The following FRMPD1 variants were observed in gnomAD, a reference collection of about 807,000 sequenced individuals.
FRMPD1 encodes FERM and PDZ domain-containing protein 1.
A neutral mutation model predicts 117.8 loss-of-function variants in FRMPD1; 76 were observed. That is an observed-to-expected ratio of 0.65 (90% CI 0.54 to 0.78). FRMPD1 has a LOEUF of 0.78. FRMPD1 is among the 30% of genes least tolerant of loss of function. The pLI is 0.00. For synonymous variants in FRMPD1, 783 were observed against 770.4 expected, an observed-to-expected ratio of 1.02 and a Z score of -0.27; for missense variants, 1,786 against 1,964.5, an observed-to-expected ratio of 0.91 and a Z score of 1.72.
the FRMPD1 span, among the ~76,000 whole-genome samples, chr9:37,637,586 T>C: frequency 2.0e-3 from 310 of 152,318 alleles, no homozygotes; most frequent in Non-Finnish European, 3.5e-3. Flanking sequence ...TCTGTCCCTA[T>C]TGTTTTGCCT....
intron 5 of FRMPD1, among the ~76,000 whole-genome samples, chr9:37,717,303 AT>A (rs113453697): frequency 0.13 from 18,634 of 146,688 alleles, 1,479 homozygotes; most frequent in Middle Eastern, 0.17. Context: ...GAAAAAAAAA[AT>A]ATATATATAT....
intron 1 of FRMPD1, among the ~76,000 whole-genome samples, chr9:37,679,717 G>A (rs1821655207): frequency 6.6e-6 from 1 of 152,200 alleles, no homozygotes. Context: ...AAACAGACAC[G>A]GAGGGAAGGG....
rs373118438 is a variant in FRMPD1 at position 37,662,384 on chromosome 9, T to G, written c.-5+11290T>G. On this transcript the variant is annotated intron_variant, in intron 1 of 15. Coordinates refer to ENST00000377765, the MANE Select transcript of FRMPD1 (RefSeq NM_014907.3). ...AACTTTGGGGGGTACATTCAAACCA[T>G]GGCCATTCATTATTTGGAAAGTGAT... Among the ~76,000 whole-genome samples, 70 of 152,302 alleles carry G rather than the reference T, an allele frequency of 4.6e-4. 1 individual carries two copies. In the South Asian group the frequency reaches 0.014, roughly 31 times the overall value.
At chr9:37,704,663 T>C (rs957471021) in intron 2 of FRMPD1, among the ~76,000 whole-genome samples, 3 of 151,974 alleles carry the variant, frequency 2.0e-5, no homozygotes, top group Non-Finnish European at 2.9e-5. Flanking sequence ...GAGATATATA[T>C]ATATATATAA....
Position 37,730,405 on chromosome 9 carries a change from G to A in FRMPD1, c.738+552G>A, listed in dbSNP as rs1359430258. ...ATCTTTGTGAGTCTGTTACAAAGAT[G>A]AGGAGGATTTTAACAGTTGGAAATG... On this transcript the variant is annotated intron_variant, in intron 8 of 15. Coordinates refer to ENST00000377765, the MANE Select transcript of FRMPD1 (RefSeq NM_014907.3). 3.9e-5 allele frequency among the ~76,000 whole-genome samples: 6 copies of A among 152,316 alleles called. No homozygotes were observed. The East Asian group carries it at 1.2e-3, about 29-fold the overall frequency.
At chr9:37,703,258 G>C (rs911103605) in intron 2 of FRMPD1, among the ~76,000 whole-genome samples, 6 of 152,158 alleles carry the variant, frequency 3.9e-5, no homozygotes, top group African/African-American at 1.2e-4. Context: ...CTCAGGACTA[G>C]TACCTGTTGG....
At chr9:37,732,497 G>C in intron 10 of FRMPD1, 57 bp downstream of exon 10, 1 of 1,525,024 alleles carries the variant, frequency 6.6e-7, no homozygotes, top group Non-Finnish European at 8.8e-7. Flanking sequence ...CCCCTGGCCA[G>C]GAGGGCCAGA....
chr9:37,605,740 G>C, the FRMPD1 span, among the ~76,000 whole-genome samples: 1 of 150,614 alleles, frequency 6.6e-6, no homozygotes, highest in Non-Finnish European at 1.5e-5. Flanking sequence ...ACTGAGACAA[G>C]GTCTCACTCT....
intron 5 of FRMPD1, among the ~76,000 whole-genome samples, chr9:37,716,142 G>A (rs529190337): frequency 1.3e-5 from 2 of 152,264 alleles, no homozygotes; most frequent in African/African-American, 4.8e-5. Context: ...CACCAAGAAC[G>A]CTAGTAAAGC....
the FRMPD1 span, among the ~76,000 whole-genome samples, chr9:37,610,656 G>A: frequency 2.0e-5 from 3 of 149,666 alleles, no homozygotes; most frequent in East Asian, 2.0e-4. Flanking sequence ...GTGCAATGGC[G>A]CGATCTCGGC....
the FRMPD1 span, among the ~76,000 whole-genome samples, chr9:37,608,056 G>T: frequency 6.6e-6 from 1 of 152,226 alleles, no homozygotes; most frequent in Admixed American, 6.5e-5. Flanking sequence ...TATTGAAGGC[G>T]AGACGGGGTA....
the FRMPD1 span, among the ~76,000 whole-genome samples, chr9:37,620,680 T>G: frequency 2.0e-5 from 3 of 152,224 alleles, no homozygotes; most frequent in South Asian, 6.2e-4. Flanking sequence ...ATCCTTTTCA[T>G]GTGTCTGTAT....
At chr9:37,715,216 T>A (rs942968) in intron 5 of FRMPD1, among the ~76,000 whole-genome samples, 105,394 of 152,110 alleles carry the variant, frequency 0.69, 36,759 homozygotes, top group East Asian at 0.94. Context: ...CCAGTATTTA[T>A]TGTCTTATTT....
intron 6 of FRMPD1, among the ~76,000 whole-genome samples, chr9:37,722,912 G>C (rs760425030): frequency 2.0e-5 from 3 of 152,028 alleles, no homozygotes; most frequent in Non-Finnish European, 4.4e-5. Flanking sequence ...ATATTCTTAC[G>C]AGAGCTGGGA....
At chr9:37,676,569 C>T (rs941076879) in intron 1 of FRMPD1, among the ~76,000 whole-genome samples, 3 of 152,152 alleles carry the variant, frequency 2.0e-5, no homozygotes, top group African/African-American at 4.8e-5. Context: ...GACCCGGCTC[C>T]CTGAATTGTT....
intron 1 of FRMPD1, among the ~76,000 whole-genome samples, chr9:37,654,760 C>T (rs1356107551): frequency 1.3e-5 from 2 of 152,230 alleles, no homozygotes; most frequent in Non-Finnish European, 1.5e-5. Context: ...AGTCTGTGTG[C>T]ACAGGTATTA....
chr9:37,620,504 G>T, the FRMPD1 span, among the ~76,000 whole-genome samples: 28 of 149,168 alleles, frequency 1.9e-4, no homozygotes, highest in Admixed American at 1.6e-3. Flanking sequence ...GGTTGCTATT[G>T]ATCATCATGA....
At chr9:37,676,215 A>AT (rs11461257) in intron 1 of FRMPD1, among the ~76,000 whole-genome samples, 35,205 of 151,908 alleles carry the variant, frequency 0.23, 4,216 homozygotes, top group Middle Eastern at 0.28. Flanking sequence ...TCTGGTTCTC[A>AT]TTTTTTGGAA....
At chr9:37,636,576 C>A in the FRMPD1 span, 1 of 785,564 alleles carries the variant, frequency 1.3e-6, no homozygotes, top group Non-Finnish European at 2.0e-6. Context: ...CCAGGACACC[C>A]CAAAGCCACA....
Sources: gnomAD v4.1 joint callset for allele counts (sites outside exome capture counted in the v4.1 genomes callset) on GRCh38, gnomAD v4.1.1 for gene constraint, MANE v1.5 for transcripts, NCBI Gene and HGNC (gene_info 2026-07-23, HGNC 2026-07-21) for gene names.